Variants in VILL observed in about 807,000 individuals in gnomAD.
The protein encoded by VILL is villin-like protein.
VILL carries 102 observed loss-of-function variants against 106.3 expected under a neutral mutation model. That is an observed-to-expected ratio of 0.96 (90% CI 0.82 to 1.13). The LOEUF (loss-of-function observed/expected upper bound fraction) is 1.13, where lower values mean the gene tolerates loss of function less well. Among genes scored for constraint, VILL ranks in the 50% most tolerant of loss-of-function variants. The pLI is 0.00. For synonymous variants in VILL, 431 were observed against 440.3 expected (o/e 0.98, Z 0.27); for missense variants, 1,076 against 1,116.6 (o/e 0.96, Z 0.52).
rs747594746 is a variant in VILL, at chr3:37,997,549, G to C, written c.628G>C (p.Val210Leu). Residue 210 changes from valine to leucine, a missense_variant, in exon 7 of 20, where the codon GTG becomes CTG. Val to Leu is a conservative substitution (Grantham distance 32, BLOSUM62 1). Transcript: ENST00000383759. The surrounding 1 kb of genome is among the most constrained non-coding windows in gnomAD (Gnocchi z 4.7). ...TGGTGGTCGTGCACAGATTGGTGTGGTGGATGATGAGGCCAAAGCCCCGGA... is the reference window on the plus strand; with the variant it reads ...TGGTGGTCGTGCACAGATTGGTGTGCTGGATGATGAGGCCAAAGCCCCGGA... ...RGGGRAQIGV[V>L]DDEAKAPDLM... 3.7e-6 allele frequency: 6 copies of C among 1,614,154 alleles called. No individual in the cohort carries two copies. In the South Asian group the frequency reaches 6.6e-5, roughly 18 times the overall value.
Position 38,006,940 on chromosome 3 carries a change from A to T in VILL, c.2458-2A>T, listed in dbSNP as rs1003693926. The T allele has an allele frequency of 1.2e-6, 2 of 1,612,794 alleles. No individual in the cohort carries two copies. Among genetic ancestry groups the T allele is most frequent in the Middle Eastern group, 1.7e-4 (1 of 6,058 alleles). On this transcript the variant is annotated splice_acceptor_variant, in intron 19 of 19. Transcript: ENST00000383759. LOFTEE classifies it high-confidence loss of function. Reference sequence around the variant, plus strand: ...GTACCTCCCCCTCTCTCCCCTGCCCAGTTCTATCTCTCAGACTCTGACTTC... The same window carrying T: ...GTACCTCCCCCTCTCTCCCCTGCCCTGTTCTATCTCTCAGACTCTGACTTC...
At chr3:37,995,469 G>A (rs2125530391) in intron 4 of VILL, among the ~76,000 whole-genome samples, 2 of 152,340 alleles carry the variant, frequency 1.3e-5, no homozygotes, top group African/African-American at 4.8e-5. Context: ...CAAATACACA[G>A]TGTGCCCCCA....
In VILL at chr3:38,006,969, G is replaced by C; in HGVS notation, c.2485G>C (p.Asp829His). 1.2e-6 allele frequency: 2 copies of C among 1,614,114 alleles called. No homozygotes were observed. Among genetic ancestry groups the C allele is most frequent in the South Asian group, 1.1e-5 (1 of 91,082 alleles). The change falls in exon 20 of 20, where the codon GAT (aspartate) becomes CAT (histidine). Residue 829 changes from aspartate to histidine, a missense_variant. Asp to His is a moderately conservative substitution (Grantham distance 81). Transcript: ENST00000383759. The part of the protein sequence containing the change: ...EFYLSDSDFQ[D>H]IFGKSKEEFY... ...CTATCTCTCAGACTCTGACTTCCAA[G>C]ATATCTTTGGGAAATCCAAGGAGGA...
intron 13 of VILL, 138 bp from the exon 14 acceptor site, chr3:38,002,258 T>C (rs1699832064): frequency 5.3e-6 from 4 of 761,584 alleles, no homozygotes; most frequent in Non-Finnish European, 8.3e-6. Context: ...GGTCCTGTAC[T>C]CCTCATGTGA....
At chr3:37,988,091 T>A (rs1699570891), upstream of VILL, 1 of 152,292 alleles carries the variant, frequency 6.6e-6, no homozygotes, top group South Asian at 2.1e-4. Context: ...GGGGCTGCCA[T>A]TTTGGCTGGG....
rs371891344 is a variant in VILL at position 38,006,685 on chromosome 3, C to T, written c.2442C>T (p.Asp814=). The T allele has an allele frequency of 7.5e-6, 12 of 1,605,864 alleles. No individual in the cohort carries two copies. Among genetic ancestry groups the T allele is most frequent in the South Asian group, 4.4e-5 (4 of 90,570 alleles). Residue 814 remains aspartate, a synonymous_variant, in exon 19 of 20, where the codon GAC becomes GAT. Transcript: ENST00000383759. ...TTGAGGACCTGCCAGAGGGCGTGGA[C>T]CCTGCCCGCAGGGAGGTGGGCACCC... ...QAVEDLPEGV[D]PARREFYLSD...
In VILL at chr3:37,997,676, G is replaced by A. The variant is rs1699729904; in HGVS notation, c.755G>A (p.Arg252His). Residue 252 changes from arginine to histidine, a missense_variant, in exon 7 of 20, where the codon CGC becomes CAC. Physicochemically the swap from Arg to His is conservative, Grantham distance 29. Transcript: ENST00000383759. This position sits in a 1 kb window ranked among gnomAD's most constrained non-coding sequence, Gnocchi z 4.7. ...DINQLQKANV[R>H]LYHVYEKGKD... ...AACCAGCTGCAGAAGGCCAATGTTC[G>A]CCTGTACCAGTGAGTACCCCTGGGG... The A allele has an allele frequency of 2.7e-6, 4 of 1,502,496 alleles. No homozygotes were observed. Among genetic ancestry groups the A allele is most frequent in the Admixed American group, 1.7e-5 (1 of 57,682 alleles). 93.1% of individuals were successfully genotyped at this position (1,502,496 alleles called of 1,614,324 possible). A position where few individuals can be genotyped will look rare whatever the true frequency, so the allele number is the denominator to read the frequency against.
In VILL at chr3:37,997,541, T is replaced by C. The variant is rs758520122; in HGVS notation, c.620T>C (p.Ile207Thr). Residue 207 changes from isoleucine (I) to threonine (T), a missense_variant, in exon 7 of 20, where the codon ATT (isoleucine) becomes ACT (threonine). Ile to Thr is a moderately conservative substitution (Grantham distance 89). Transcript: ENST00000383759. The surrounding 1 kb of genome is among the most constrained non-coding windows in gnomAD (Gnocchi z 4.7). Reference protein sequence around the residue: ...DRERGGGRAQIGVVDDEAKAP... With the variant: ...DRERGGGRAQTGVVDDEAKAP... ...GAACGTGGTGGTGGTCGTGCACAGA[T>C]TGGTGTGGTGGATGATGAGGCCAAA... 69 of 1,613,868 alleles carry C rather than the reference T, an allele frequency of 4.3e-5. No homozygotes were observed. The highest frequency in any genetic ancestry group is 5.7e-5 in the Non-Finnish European group (67 of 1,179,992).
chr3:38,004,468 G>A (rs1559367830), intron 16 of VILL, 69 bp downstream of exon 16: 11 of 1,560,552 alleles, frequency 7.0e-6, no homozygotes, highest in South Asian at 2.4e-5. Flanking sequence ...AACTGGGTGT[G>A]TGTGTATCTA....
chr3:38,004,958 C>T (rs1033006002), intron 16 of VILL, among the ~76,000 whole-genome samples: 9 of 152,112 alleles, frequency 5.9e-5, no homozygotes, highest in South Asian at 2.1e-4. Flanking sequence ...TGTGTTTCTG[C>T]GCACAGTGGT....
chr3:38,001,140 C>CT (rs1699807269), intron 11 of VILL: 1 of 534,552 alleles, frequency 1.9e-6, no homozygotes, highest in Admixed American at 2.5e-5. Flanking sequence ...CAGCGAGCAG[C>CT]TGGGAGGGGA....
chr3:37,996,996 A>G (rs1424487930), intron 5 of VILL, 81 bp from the exon 6 acceptor site: 2 of 1,271,888 alleles, frequency 1.6e-6, no homozygotes, highest in East Asian at 2.3e-5. Flanking sequence ...AGCTTCATGC[A>G]CACGTGACAC....
In VILL at chr3:37,998,431, C is replaced by T; in HGVS notation, c.942+67C>T. 1 of 1,458,730 alleles carries T rather than the reference C, an allele frequency of 6.9e-7. No homozygotes were observed. The highest frequency in any genetic ancestry group is 9.6e-7 in the Non-Finnish European group (1 of 1,044,782). The allele number at this position is 1,458,730 out of a possible 1,614,324, so 90.4% of individuals were successfully genotyped here. A position where few individuals can be genotyped will look rare whatever the true frequency, so the allele number is the denominator to read the frequency against. On this transcript the variant is annotated intron_variant, in intron 9 of 19. Coordinates refer to ENST00000383759, the MANE Select transcript of VILL (RefSeq NM_015873.4). This position sits in a 1 kb window ranked among gnomAD's most constrained non-coding sequence, Gnocchi z 4.1. Reference sequence around the variant, plus strand: ...CTGGGGTCTGAGTGGGGAGGCAGCTCCGCCCCAGGGTCTAAGGGAGGAATC... The same window carrying T: ...CTGGGGTCTGAGTGGGGAGGCAGCTTCGCCCCAGGGTCTAAGGGAGGAATC...
At chr3:38,005,285 C>G (rs1228497083) in intron 16 of VILL, among the ~76,000 whole-genome samples, 4 of 152,202 alleles carry the variant, frequency 2.6e-5, no homozygotes, top group African/African-American at 7.2e-5. Flanking sequence ...CTGCTCCCCC[C>G]TCACTGCTTC....
intron 11 of VILL, 64 bp from the exon 12 acceptor site, chr3:38,001,392 A>G: frequency 6.3e-7 from 1 of 1,595,732 alleles, no homozygotes; most frequent in Non-Finnish European, 8.5e-7. Context: ...CCGGTTGGGT[A>G]CAGGATGGGT....
intron 5 of VILL, among the ~76,000 whole-genome samples, chr3:37,996,149 T>C (rs1392813785): frequency 6.6e-6 from 1 of 152,136 alleles, no homozygotes; most frequent in African/African-American, 2.4e-5. Flanking sequence ...ATGACACCAC[T>C]GTACTCCAGC....
chr3:37,995,715 AC>A (rs1317950597), intron 4 of VILL, 23 bp from the exon 5 acceptor site: 1 of 1,584,242 alleles, frequency 6.3e-7, no homozygotes, highest in Admixed American at 1.7e-5. Context: ...GAATGTATAT[AC>A]CCTCCTGCTA....
chr3:37,997,129 T>C lies in VILL; in HGVS notation c.503T>C (p.Leu168Pro), dbSNP rs1699717046. The change falls in exon 6 of 20, where the codon CTA becomes CCA. Residue 168 changes from leucine (L) to proline (P), a missense_variant. Transcript: ENST00000383759. This position sits in a 1 kb window ranked among gnomAD's most constrained non-coding sequence, Gnocchi z 4.7. ...FNKGDIFLLD[L>P]GKMMIQWNGP... ...AAGGGTGACATCTTCCTGCTGGACC[T>C]AGGCAAGATGATGATTCAGTGGAAT... The C allele has an allele frequency of 1.2e-6, 2 of 1,614,010 alleles. No homozygotes were observed. Among genetic ancestry groups the C allele is most frequent in the Non-Finnish European group, 1.7e-6 (2 of 1,180,016 alleles).
chr3:37,995,979 TGAG>T lies in VILL; in HGVS notation c.450+136_450+138del, dbSNP rs370939102. 4.4e-4 allele frequency: 300 copies of T among 685,684 alleles called. No individual in the cohort carries two copies. In the African/African-American group the frequency reaches 4.6e-3, roughly 10 times the overall value. The allele number at this position is 685,684 out of a possible 1,614,324, so 42.5% of individuals were successfully genotyped here. A position where few individuals can be genotyped will look rare whatever the true frequency, so the allele number is the denominator to read the frequency against. ...GTCAGCATTCCCAGATGGTCTTGAATGAGGAGAACAGAGAGGACACCAGGCTTC... is the reference window on the plus strand; with the variant it reads ...GTCAGCATTCCCAGATGGTCTTGAATGAGAACAGAGAGGACACCAGGCTTC... On this transcript the variant is annotated intron_variant, in intron 5 of 19. Coordinates refer to ENST00000383759, the MANE Select transcript of VILL (RefSeq NM_015873.4).
Sources: allele counts gnomAD v4.1 joint callset (sites outside exome capture counted in the v4.1 genomes callset), GRCh38; gene constraint gnomAD v4.1.1; non-coding constraint Gnocchi (gnomAD v3.1); transcripts MANE v1.5; gene names NCBI Gene and HGNC (gene_info 2026-07-23, HGNC 2026-07-21).